The following GON7 variants were observed in gnomAD, a reference collection of about 807,000 sequenced individuals.
The protein encoded by GON7 is GON7 subunit of KEOPS complex.
Under a neutral mutation model 7.6 loss-of-function variants are expected in GON7, and 2 were observed. The ratio of observed to expected loss-of-function variants is 0.26; its 90% CI spans 0.11 to 0.83. GON7 has a LOEUF of 0.83. GON7 is among the 40% of genes least tolerant of loss of function. The pLI, the probability that GON7 is intolerant of heterozygous loss-of-function variation, is 0.65. For synonymous variants in GON7, 54 were observed against 56.6 expected, an observed-to-expected ratio of 0.95 and a Z score of 0.20; for missense variants, 121 against 132.2, an observed-to-expected ratio of 0.92 and a Z score of 0.42.
At chr14:93,204,929 G>C (rs1566817669) in intron 1 of GON7, among the ~76,000 whole-genome samples, 1 of 152,160 alleles carries the variant, frequency 6.6e-6, no homozygotes, top group Non-Finnish European at 1.5e-5. Context: ...CAAACTCTTG[G>C]GTTCACATGA....
In GON7 at chr14:93,205,942, CTG is replaced by C. The variant is rs1309980956; in HGVS notation, c.208+886_208+887del. 2.6e-5 allele frequency among the ~76,000 whole-genome samples: 4 copies of C among 152,122 alleles called. No individual in the cohort carries two copies. In the East Asian group the frequency reaches 7.7e-4, roughly 29 times the overall value. On this transcript the variant is annotated intron_variant, in intron 1 of 1. Coordinates refer to ENST00000306954, the MANE Select transcript of GON7 (RefSeq NM_032490.5). ...ACCCAGCTCAAAAGTCTTATCCTTT[CTG>C]AAGACTTCCTAGGGTGTCTGGGTTT...
chr14:93,204,883 C>A (rs147871935), intron 1 of GON7, among the ~76,000 whole-genome samples: 1 of 152,242 alleles, frequency 6.6e-6, no homozygotes, highest in African/African-American at 2.4e-5. Context: ...GTCCTCCAGG[C>A]TGGAGTGCAG....
intron 1 of GON7, among the ~76,000 whole-genome samples, chr14:93,204,162 AT>A (rs1180866350): frequency 1.3e-5 from 2 of 152,022 alleles, no homozygotes; most frequent in African/African-American, 2.4e-5. Flanking sequence ...CGCCCGGCTA[AT>A]TTTTTGCATT....
Position 93,207,029 on chromosome 14 carries a change from CA to C in GON7, c.8del (p.Leu3ArgfsTer38), listed in dbSNP as rs1894363626. 1 of 1,613,152 alleles carries C rather than the reference CA, an allele frequency of 6.2e-7. No individual in the cohort carries two copies. Among genetic ancestry groups the C allele is most frequent in the Non-Finnish European group, 8.5e-7 (1 of 1,179,900 alleles). On this transcript the variant is annotated frameshift_variant, in exon 1 of 2. Transcript: ENST00000306954. LOFTEE classifies it high-confidence loss of function. The stretch of plus-strand genomic sequence containing the variant: ...CTTCCTGCCCGACGTACTCTCCCAG[CA>C]GCTCCATGGTGACCGCTAAGCTTCC... ME[L>X]LGEYVGQEGK...
chr14:93,207,044 C>G lies in GON7; in HGVS notation c.-7G>C, dbSNP rs766300417. 3.1e-6 allele frequency: 5 copies of G among 1,612,404 alleles called. No homozygotes were observed. In the African/African-American group the frequency reaches 4.0e-5, roughly 13 times the overall value. ...ACTCTCCCAGCAGCTCCATGGTGAC[C>G]GCTAAGCTTCCAGAACACGACACCG... On this transcript the variant is annotated 5_prime_UTR_variant, in exon 1 of 2. Coordinates refer to ENST00000306954, the MANE Select transcript of GON7 (RefSeq NM_032490.5).
Position 93,206,914 on chromosome 14 carries a change from C to T in GON7, c.124G>A (p.Asp42Asn), listed in dbSNP as rs763062262. Residue 42 changes from aspartate to asparagine, a missense_variant, in exon 1 of 2, where the codon GAC (aspartate) becomes AAC (asparagine). Asp to Asn is a conservative substitution (Grantham distance 23). Coordinates refer to ENST00000306954, the MANE Select transcript of GON7 (RefSeq NM_032490.5). ...GGGTCGAATAATTCCGTTACCATGTCCTTCATCTGGGCCACGCCAGACAAC... is the reference window on the plus strand; with the variant it reads ...GGGTCGAATAATTCCGTTACCATGTTCTTCATCTGGGCCACGCCAGACAAC... ...GLLSGVAQMK[D>N]MVTELFDPLV... The T allele has an allele frequency of 1.9e-6, 3 of 1,614,228 alleles. No homozygotes were observed. The highest frequency in any genetic ancestry group is 3.3e-5 in the Admixed American group (2 of 60,028).
rs748547172 is a variant in GON7 at position 93,203,799 on chromosome 14, T to C, written c.209-17A>G. ...CATCATCACCTTTTAAAATAAATAT[T>C]TGTTGTATGACAATACGTTCTATGG... On this transcript the variant is annotated splice_polypyrimidine_tract_variant and intron_variant, in intron 1 of 1. Transcript: ENST00000306954. 3.1e-6 allele frequency: 5 copies of C among 1,595,378 alleles called. No homozygotes were observed. The Admixed American group carries it at 8.3e-5, about 27-fold the overall frequency.
chr14:93,206,780 T>C, intron 1 of GON7, 50 bp downstream of exon 1: 1 of 1,548,406 alleles, frequency 6.5e-7, no homozygotes, highest in East Asian at 2.3e-5. Context: ...CAATTTCCCC[T>C]GGGCGCCCGC....
rs1326877771 is a variant in GON7 at position 93,202,903 on chromosome 14, AAT to A, written c.*783_*784del. ...AACACACACACATACATATTTTAGG[AAT>A]ATATATTTTTAAAAGGATTCAATAA... On this transcript the variant is annotated 3_prime_UTR_variant, in exon 2 of 2. Coordinates refer to ENST00000306954, the MANE Select transcript of GON7 (RefSeq NM_032490.5). 2.0e-5 allele frequency: 3 copies of A among 152,216 alleles called. No individual in the cohort carries two copies. Among genetic ancestry groups the A allele is most frequent in the African/African-American group, 7.2e-5 (3 of 41,452 alleles). The allele number at this position is 152,216 out of a possible 1,614,324, so 9.4% of individuals were successfully genotyped here. A position where few individuals can be genotyped will look rare whatever the true frequency, so the allele number is the denominator to read the frequency against.
intron 1 of GON7, among the ~76,000 whole-genome samples, chr14:93,205,003 C>T (rs1019539491): frequency 4.6e-5 from 7 of 152,176 alleles, no homozygotes; most frequent in Admixed American, 1.3e-4. Context: ...GTTTTAGCTA[C>T]TATAAATGCT....
At chr14:93,205,139 ACT>A (rs1894315141) in intron 1 of GON7, among the ~76,000 whole-genome samples, 2 of 152,092 alleles carry the variant, frequency 1.3e-5, no homozygotes, top group Admixed American at 6.5e-5. Context: ...GAGCTACCAA[ACT>A]CTTTTTCCCA....
rs1401170423 is a variant in GON7, at chr14:93,202,911, T to TA, written c.*776_*777insT. 4 of 152,240 alleles carry TA rather than the reference T, an allele frequency of 2.6e-5. No individual in the cohort carries two copies. The highest frequency in any genetic ancestry group is 7.2e-5 in the African/African-American group (3 of 41,462). 9.4% of individuals were successfully genotyped at this position (152,240 alleles called of 1,614,324 possible). A position where few individuals can be genotyped will look rare whatever the true frequency, so the allele number is the denominator to read the frequency against. ...CACATACATATTTTAGGAATATATA[T>TA]TTTTAAAAGGATTCAATAATCTTTT... On this transcript the variant is annotated 3_prime_UTR_variant, in exon 2 of 2. Transcript: ENST00000306954.
In GON7 at chr14:93,206,956, C is replaced by T; in HGVS notation, c.82G>A (p.Asp28Asn). 1 of 1,614,240 alleles carries T rather than the reference C, an allele frequency of 6.2e-7. No homozygotes were observed. The highest frequency in any genetic ancestry group is 8.5e-7 in the Non-Finnish European group (1 of 1,180,040). ...RVSCEAPGDG[D>N]PFQGLLSGVA... ...CCAGACAACAGGCCCTGGAAAGGGT[C>T]GCCGTCACCCGGCGCCTCACAGGAC... The change falls in exon 1 of 2, where the codon GAC becomes AAC. Residue 28 changes from aspartate (D) to asparagine (N), a missense_variant. Coordinates refer to ENST00000306954, the MANE Select transcript of GON7 (RefSeq NM_032490.5).
At chr14:93,204,531 T>A (rs1894306436) in intron 1 of GON7, among the ~76,000 whole-genome samples, 1 of 152,076 alleles carries the variant, frequency 6.6e-6, no homozygotes, top group African/African-American at 2.4e-5. Flanking sequence ...CAAGTGATCC[T>A]CCTGTCTCAG....
rs1894292779 is a variant in GON7 at position 93,203,775 on chromosome 14, A to G, written c.216T>C (p.Asp72=). Residue 72 remains aspartate (D), a synonymous_variant, in exon 2 of 2, where the codon GAT becomes GAC. Transcript: ENST00000306954. ...TATTTTCATCTTCTGCATCATCTTC[A>G]TCATCACCTTTTAAAATAAATATTT... is the stretch of plus-strand genomic sequence containing the variant. ...AAPDEDLDGD[D]EDDAEDENNI... 2 of 1,611,990 alleles carry G rather than the reference A, an allele frequency of 1.2e-6. No individual in the cohort carries two copies. Among genetic ancestry groups the G allele is most frequent in the Non-Finnish European group, 1.7e-6 (2 of 1,178,346 alleles).
intron 1 of GON7, 21 bp downstream of exon 1, chr14:93,206,809 C>A: frequency 1.9e-6 from 3 of 1,608,332 alleles, no homozygotes; most frequent in African/African-American, 1.3e-5. Flanking sequence ...CCGGTCACTG[C>A]AGCACCGTCT....
rs1894355593 is a variant in GON7, at chr14:93,206,833, C to G, written c.205G>C (p.Asp69His). 2 of 1,613,460 alleles carry G rather than the reference C, an allele frequency of 1.2e-6. No individual in the cohort carries two copies. Among genetic ancestry groups the G allele is most frequent in the Non-Finnish European group, 1.7e-6 (2 of 1,179,840 alleles). The change falls in exon 1 of 2, where the codon GAC (aspartate) becomes CAC (histidine). Residue 69 changes from aspartate to histidine, a missense_variant. By Grantham distance (81) the Asp-to-His change is moderately conservative. Coordinates refer to ENST00000306954, the MANE Select transcript of GON7 (RefSeq NM_032490.5). The stretch of plus-strand genomic sequence containing the variant: ...GCAGCACCGTCTCAGAGCTCACCGT[C>G]CAAGTCCTCGTCTGGAGCCGCCGCC... ...RVAAAPDEDL[D>H]GDDEDDAEDE...
At position 93,203,698 on chromosome 14, in the gene GON7, G is replaced by A. The variant is rs1165112271; in HGVS notation, c.293C>T (p.Thr98Ile). Residue 98 changes from threonine (T) to isoleucine (I), a missense_variant, in exon 2 of 2, where the codon ACA becomes ATA. Transcript: ENST00000306954. ...FDGPSAKRPKTPS is the reference protein window; with the variant it reads ...FDGPSAKRPKIPS Reference sequence around the variant, plus strand: ...TCATGAAGGCTATTGTTAAGACGGTGTTTTTGGCCGTTTTGCAGATGGTCC... The same window carrying A: ...TCATGAAGGCTATTGTTAAGACGGTATTTTTGGCCGTTTTGCAGATGGTCC... 3.7e-6 allele frequency: 6 copies of A among 1,613,814 alleles called. No individual in the cohort carries two copies. The highest frequency in any genetic ancestry group is 5.1e-6 in the Non-Finnish European group (6 of 1,179,782).
intron 1 of GON7, among the ~76,000 whole-genome samples, chr14:93,203,999 C>T (rs1404839921): frequency 6.6e-6 from 1 of 151,834 alleles, no homozygotes. Flanking sequence ...AAAATCCACT[C>T]TTTTTTTCTT....
Sources: gnomAD v4.1 joint callset for allele counts (sites outside exome capture counted in the v4.1 genomes callset) on GRCh38, gnomAD v4.1.1 for gene constraint, MANE v1.5 for transcripts, NCBI Gene and HGNC (gene_info 2026-07-23, HGNC 2026-07-21) for gene names.